The following PTPRD variants were observed in gnomAD, a reference collection of about 807,000 sequenced individuals.
PTPRD encodes the protein protein tyrosine phosphatase receptor type D, also known as receptor-type tyrosine-protein phosphatase delta.
PTPRD carries 34 observed loss-of-function variants against 214.5 expected under a neutral mutation model. The ratio of observed to expected loss-of-function variants is 0.16; its 90% CI spans 0.12 to 0.21. PTPRD has a LOEUF of 0.21. PTPRD is among the 10% of genes least tolerant of loss of function. The pLI is 1.00. For missense variants in PTPRD, 2,545 were observed against 2,398.7 expected (o/e 1.06, Z -1.27); for synonymous variants, 1,128 against 845.7 (o/e 1.33, Z -5.79).
intron 9 of PTPRD, among the ~76,000 whole-genome samples, chr9:9,320,901 A>G (rs1015418176): frequency 6.6e-6 from 1 of 152,200 alleles, no homozygotes; most frequent in Non-Finnish European, 1.5e-5. Flanking sequence ...AATGTGCCAG[A>G]TAAGAATTTG....
At chr9:10,233,337 C>T (rs2154357872) in intron 3 of PTPRD, among the ~76,000 whole-genome samples, 1 of 152,024 alleles carries the variant, frequency 6.6e-6, no homozygotes, top group Middle Eastern at 3.4e-3. Flanking sequence ...AAGCTAGATC[C>T]TTCATTGTTT....
At chr9:8,742,703 C>A (rs984682273) in intron 11 of PTPRD, among the ~76,000 whole-genome samples, 14 of 152,168 alleles carry the variant, frequency 9.2e-5, no homozygotes, top group African/African-American at 3.4e-4. Flanking sequence ...ACATTGATCT[C>A]TTTTCCTTAG....
At chr9:9,456,065 A>T (rs10977773) in intron 8 of PTPRD, among the ~76,000 whole-genome samples, 1 of 151,780 alleles carries the variant, frequency 6.6e-6, no homozygotes, top group African/African-American at 2.4e-5. Flanking sequence ...ATACTAATCC[A>T]AGCCTGAAAT....
intron 5 of PTPRD, among the ~76,000 whole-genome samples, chr9:9,804,441 G>T (rs1345549382): frequency 1.3e-5 from 2 of 152,118 alleles, no homozygotes; most frequent in Non-Finnish European, 2.9e-5. Flanking sequence ...GTGAATTTAT[G>T]AATGTGTTCT....
At chr9:9,156,055 C>T (rs7040160) in intron 10 of PTPRD, among the ~76,000 whole-genome samples, 97,089 of 151,828 alleles carry the variant, frequency 0.64, 32,123 homozygotes, top group Non-Finnish European at 0.75. Flanking sequence ...AGCCTTAGAC[C>T]TCTGTTTCAG....
chr9:10,604,936 G>A (rs1250385255), intron 2 of PTPRD, among the ~76,000 whole-genome samples: 4 of 151,818 alleles, frequency 2.6e-5, no homozygotes, highest in African/African-American at 7.2e-5. Context: ...AAAAGTTCCT[G>A]CTGAGTAGTA....
chr9:8,794,064 ACAGTG>A (rs1389862858), intron 11 of PTPRD, among the ~76,000 whole-genome samples: 5 of 152,224 alleles, frequency 3.3e-5, no homozygotes, highest in Non-Finnish European at 7.3e-5. Context: ...ATCATGCATT[ACAGTG>A]CAGCAGCCTG....
intron 7 of PTPRD, among the ~76,000 whole-genome samples, chr9:9,618,706 T>A (rs533756952): frequency 6.6e-6 from 1 of 152,316 alleles, no homozygotes; most frequent in Admixed American, 6.5e-5. Flanking sequence ...AATACAAATA[T>A]CAAGTAGGTA....
At position 10,543,935 on chromosome 9, in the gene PTPRD, T is replaced by A. The variant is rs547850036; in HGVS notation, c.-600+68463A>T. Reference sequence around the variant, plus strand: ...AGAAAAGATCCAATGTGGAGCCTGATTGAAGGTAGAGGAGGGCAGCAATAA... The same window carrying A: ...AGAAAAGATCCAATGTGGAGCCTGAATGAAGGTAGAGGAGGGCAGCAATAA... On this transcript the variant is annotated intron_variant, in intron 2 of 45. Transcript: ENST00000381196. Among the ~76,000 whole-genome samples, 5 of 152,244 alleles carry A rather than the reference T, an allele frequency of 3.3e-5. No homozygotes were observed. The East Asian group carries it at 7.7e-4, about 24-fold the overall frequency.
intron 7 of PTPRD, among the ~76,000 whole-genome samples, chr9:9,732,068 C>A (rs1324582892): frequency 1.3e-5 from 2 of 152,034 alleles, no homozygotes; most frequent in Non-Finnish European, 2.9e-5. Context: ...ACAATGAAGA[C>A]TTCCAGGAGA....
At chr9:8,819,310 G>A (rs932358020) in intron 11 of PTPRD, among the ~76,000 whole-genome samples, 3 of 151,964 alleles carry the variant, frequency 2.0e-5, no homozygotes, top group Non-Finnish European at 4.4e-5. Context: ...GAGGTAGACT[G>A]ATCTGTTTCA....
At chr9:10,156,666 G>C (rs1243170256) in intron 3 of PTPRD, among the ~76,000 whole-genome samples, 1 of 152,154 alleles carries the variant, frequency 6.6e-6, no homozygotes, top group African/African-American at 2.4e-5. Flanking sequence ...TTTCAGTGCT[G>C]AGTTCAGGTC....
chr9:10,505,348 T>C (rs1260517444), intron 2 of PTPRD, among the ~76,000 whole-genome samples: 3 of 152,168 alleles, frequency 2.0e-5, no homozygotes, highest in African/African-American at 7.2e-5. Flanking sequence ...GGTACACATA[T>C]TGTAGTTTTC....
intron 31 of PTPRD, among the ~76,000 whole-genome samples, chr9:8,470,189 T>C (rs1378588786): frequency 6.6e-6 from 1 of 152,156 alleles, no homozygotes; most frequent in African/African-American, 2.4e-5. Flanking sequence ...TCTTCTGTAT[T>C]TTAAAATGTG....
chr9:8,562,088 A>T (rs1016172601), intron 14 of PTPRD, among the ~76,000 whole-genome samples: 12 of 152,180 alleles, frequency 7.9e-5, no homozygotes, highest in African/African-American at 2.9e-4. Context: ...ATTTGAAGCA[A>T]GAGGAGATTG....
intron 14 of PTPRD, among the ~76,000 whole-genome samples, chr9:8,587,680 A>T (rs1443228786): frequency 1.3e-5 from 2 of 152,224 alleles, no homozygotes; most frequent in Non-Finnish European, 2.9e-5. Flanking sequence ...CTTAGGTATG[A>T]AATATCTGAC....
chr9:8,684,781 T>G (rs1306794115), intron 12 of PTPRD, among the ~76,000 whole-genome samples: 1 of 152,170 alleles, frequency 6.6e-6, no homozygotes. Context: ...AGATTGCACT[T>G]TGACAAAAGT....
chr9:10,052,096 C>T (rs1056413178), intron 3 of PTPRD, among the ~76,000 whole-genome samples: 2 of 152,098 alleles, frequency 1.3e-5, no homozygotes, highest in African/African-American at 4.8e-5. Flanking sequence ...AGGCAGGTGC[C>T]ACCATGCTCA....
At chr9:9,464,242 T>A (rs886424539) in intron 8 of PTPRD, among the ~76,000 whole-genome samples, 1 of 152,132 alleles carries the variant, frequency 6.6e-6, no homozygotes, top group Non-Finnish European at 1.5e-5. Context: ...ATCACCCAAA[T>A]AGTGAACATC....
Sources: allele counts gnomAD v4.1 joint callset (sites outside exome capture counted in the v4.1 genomes callset), GRCh38; gene constraint gnomAD v4.1.1; transcripts MANE v1.5; gene names NCBI Gene and HGNC (gene_info 2026-07-23, HGNC 2026-07-21).